Variants in NME7 observed in about 807,000 individuals in gnomAD.
NME7 encodes NME/NM23 family member 7.
Under a neutral mutation model 49.1 loss-of-function variants are expected in NME7, and 41 were observed. The observed-to-expected ratio is 0.83, with a 90% CI of 0.65 to 1.08. The LOEUF (loss-of-function observed/expected upper bound fraction) is 1.08, where lower values mean the gene tolerates loss of function less well. NME7 is among the 50% of genes least tolerant of loss of function. NME7 has a pLI of 0.00. For missense variants in NME7, 423 were observed against 463.4 expected, an observed-to-expected ratio of 0.91 and a Z score of 0.80; for synonymous variants, 139 against 150.6, an observed-to-expected ratio of 0.92 and a Z score of 0.56.
At chr1:169,135,186 C>A (rs1658395337) in intron 11 of NME7, among the ~76,000 whole-genome samples, 1 of 151,158 alleles carries the variant, frequency 6.6e-6, no homozygotes, top group Admixed American at 6.6e-5. Flanking sequence ...AAAACAAAAA[C>A]AAAAAAAACA....
intron 9 of NME7, among the ~76,000 whole-genome samples, chr1:169,233,399 A>G (rs1459225311): frequency 6.6e-6 from 1 of 152,180 alleles, no homozygotes; most frequent in Non-Finnish European, 1.5e-5. Context: ...GAAGTACAGT[A>G]GGGATATATG....
chr1:169,195,220 T>C (rs1660342946), intron 10 of NME7, among the ~76,000 whole-genome samples: 1 of 152,148 alleles, frequency 6.6e-6, no homozygotes, highest in Admixed American at 6.6e-5. Context: ...AAGATACTTT[T>C]AAAATTCTTT....
Position 169,323,203 on chromosome 1 carries a change from G to A in NME7, c.192C>T (p.Asn64=). The A allele has an allele frequency of 6.2e-7, 1 of 1,607,550 alleles. No homozygotes were observed. The highest frequency in any genetic ancestry group is 8.5e-7 in the Non-Finnish European group (1 of 1,177,120). The change falls in exon 3 of 12, where the codon AAC becomes AAT. Residue 64 remains asparagine, a synonymous_variant. Coordinates refer to ENST00000367811, the MANE Select transcript of NME7 (RefSeq NM_013330.5). ...NLHLEDLFIG[N]KVNVFSRQLV... is the part of the protein sequence containing the mutation. ...GTTGTCGAGAAAAGACATTCACTTT[G>A]TTGCCTATAAATAAATCTTCCAAGT...
At chr1:169,306,560 G>C (rs1191038253) in intron 4 of NME7, among the ~76,000 whole-genome samples, 1 of 152,160 alleles carries the variant, frequency 6.6e-6, no homozygotes, top group Admixed American at 6.5e-5. Flanking sequence ...TATCAGGTAG[G>C]TATGAGGAAT....
At chr1:169,340,289 C>T in intron 1 of NME7, among the ~76,000 whole-genome samples, 1 of 152,100 alleles carries the variant, frequency 6.6e-6, no homozygotes, top group Non-Finnish European at 1.5e-5. Context: ...GGCAGTTTCC[C>T]CTGCACGTTC....
At chr1:169,291,075 G>A (rs1238165108) in intron 6 of NME7, among the ~76,000 whole-genome samples, 1 of 152,164 alleles carries the variant, frequency 6.6e-6, no homozygotes, top group African/African-American at 2.4e-5. Flanking sequence ...GTGTAAATTA[G>A]TTCAACCTTT....
At chr1:169,353,200 T>C (rs1653244607) in intron 1 of NME7, among the ~76,000 whole-genome samples, 1 of 151,944 alleles carries the variant, frequency 6.6e-6, no homozygotes, top group Non-Finnish European at 1.5e-5. Flanking sequence ...AACAGACACA[T>C]AGATCAATGG....
At position 169,308,597 on chromosome 1, in the gene NME7, T is replaced by C. The variant is rs115676263; in HGVS notation, c.389+1373A>G. Among the ~76,000 whole-genome samples, 941 of 152,294 alleles carry C rather than the reference T, an allele frequency of 6.2e-3. 10 individuals carry two copies. The highest frequency in any genetic ancestry group is 0.021 in the African/African-American group (886 of 41,560). On this transcript the variant is annotated intron_variant, in intron 4 of 11. Coordinates refer to ENST00000367811, the MANE Select transcript of NME7 (RefSeq NM_013330.5). ...AATGTTTCAGTCTTTGCTTTGTCCATTTGGTAGGAAATTTTTTAAAAACAA... is the reference window on the plus strand; with the variant it reads ...AATGTTTCAGTCTTTGCTTTGTCCACTTGGTAGGAAATTTTTTAAAAACAA...
intron 11 of NME7, among the ~76,000 whole-genome samples, chr1:169,161,611 T>C (rs1307906579): frequency 1.3e-5 from 2 of 152,224 alleles, no homozygotes; most frequent in Non-Finnish European, 2.9e-5. Context: ...GAGAGGAGTC[T>C]AGCATAGCTG....
chr1:169,357,480 T>C (rs144231641), intron 1 of NME7, among the ~76,000 whole-genome samples: 110 of 152,190 alleles, frequency 7.2e-4, no homozygotes, highest in Middle Eastern at 3.4e-3. Flanking sequence ...GATAAAATCA[T>C]CAGGCCAATA....
chr1:169,213,319 A>G (rs148614642), intron 10 of NME7, among the ~76,000 whole-genome samples: 2 of 152,188 alleles, frequency 1.3e-5, no homozygotes, highest in African/African-American at 4.8e-5. Flanking sequence ...GTTCATGGTA[A>G]CTTTATAGAA....
intron 10 of NME7, chr1:169,190,577 G>T (rs1660189702): frequency 2.5e-6 from 1 of 397,492 alleles, no homozygotes; most frequent in Admixed American, 3.1e-5. Flanking sequence ...TTAGTAATTA[G>T]GAAGAAAACA....
At chr1:169,161,726 C>T (rs1659250965) in intron 11 of NME7, among the ~76,000 whole-genome samples, 1 of 152,158 alleles carries the variant, frequency 6.6e-6, no homozygotes, top group Non-Finnish European at 1.5e-5. Context: ...AACCTGAAAA[C>T]AAGAACTAAC....
chr1:169,232,747 A>G (rs933970452), intron 9 of NME7, among the ~76,000 whole-genome samples: 1 of 152,018 alleles, frequency 6.6e-6, no homozygotes, highest in Non-Finnish European at 1.5e-5. Flanking sequence ...GCATTATATA[A>G]TAAGAAATAT....
At chr1:169,214,381 T>C (rs1232580447) in intron 10 of NME7, among the ~76,000 whole-genome samples, 1 of 152,208 alleles carries the variant, frequency 6.6e-6, no homozygotes, top group Non-Finnish European at 1.5e-5. Flanking sequence ...AGAACCCGTG[T>C]GGCTCTTCTG....
At chr1:169,186,221 T>C (rs1660061198) in intron 10 of NME7, among the ~76,000 whole-genome samples, 1 of 152,126 alleles carries the variant, frequency 6.6e-6, no homozygotes, top group Non-Finnish European at 1.5e-5. Flanking sequence ...TGCTTTTAAA[T>C]GGTACTTCAT....
At chr1:169,295,975 C>A (rs1315381422) in intron 6 of NME7, among the ~76,000 whole-genome samples, 1 of 152,126 alleles carries the variant, frequency 6.6e-6, no homozygotes, top group Non-Finnish European at 1.5e-5. Context: ...AATCTCTCCA[C>A]CTGGGTTCTA....
chr1:169,151,174 C>T (rs1482419726), intron 11 of NME7, among the ~76,000 whole-genome samples: 1 of 152,114 alleles, frequency 6.6e-6, no homozygotes, highest in Non-Finnish European at 1.5e-5. Flanking sequence ...GATGCCATCT[C>T]CACCCTCATT....
At chr1:169,302,139 T>C (rs1439784678) in intron 5 of NME7, 2 of 152,046 alleles carry the variant, frequency 1.3e-5, no homozygotes, top group African/African-American at 4.8e-5. Flanking sequence ...GGAACACACT[T>C]ATACACTGTT....
Sources: gnomAD v4.1 joint callset for allele counts (sites outside exome capture counted in the v4.1 genomes callset) on GRCh38, gnomAD v4.1.1 for gene constraint, MANE v1.5 for transcripts, NCBI Gene and HGNC (gene_info 2026-07-23, HGNC 2026-07-21) for gene names.